The following TSC2 variants were observed in gnomAD, a reference collection of about 807,000 sequenced individuals.
The protein encoded by TSC2 is tuberin.
TSC2 carries 29 observed loss-of-function variants against 202.2 expected under a neutral mutation model. The observed-to-expected ratio is 0.14, with a 90% confidence interval of 0.11 to 0.20. The LOEUF is 0.20. Among genes scored for constraint, TSC2 ranks in the 10% least tolerant of loss-of-function variants. The pLI is 1.00. For missense variants in TSC2, 2,429 were observed against 2,420.0 expected (o/e 1.00, Z -0.08); for synonymous variants, 1,349 against 1,044.0 (o/e 1.29, Z -5.63).
At position 2,085,235 on chromosome 16, in the gene TSC2, G is replaced by A. The variant is rs1596426497; in HGVS notation, c.4575G>A (p.Gln1525=). 6.2e-7 allele frequency: 1 copy of A among 1,612,762 alleles called. No homozygotes were observed. The highest frequency in any genetic ancestry group is 1.7e-5 in the Admixed American group (1 of 60,032). The change falls in exon 36 of 42, where the codon CAG becomes CAA. Residue 1525 remains glutamine, a synonymous_variant. Coordinates refer to ENST00000219476, the MANE Select transcript of TSC2 (RefSeq NM_000548.5). ...CAGGGCTCTGTGTGCCACAGTCACA[G>A]TCCTTTGAGCGGTCGGTGCAGCTCC... ...NKPILLPNES[Q]SFERSVQLLD...
At position 2,087,891 on chromosome 16, in the gene TSC2, T is replaced by C. The variant is rs397515067; in HGVS notation, c.5018T>C (p.Val1673Ala). 6.2e-7 allele frequency: 1 copy of C among 1,612,006 alleles called. No homozygotes were observed. The highest frequency in any genetic ancestry group is 1.1e-5 in the South Asian group (1 of 91,062). Residue 1673 changes from valine to alanine, a missense_variant, in exon 39 of 42, where the codon GTC becomes GCC. Coordinates refer to ENST00000219476, the MANE Select transcript of TSC2 (RefSeq NM_000548.5). The part of the protein sequence containing the change: ...KGQFNFVHVI[V>A]TPLDYECNLV... ...CAGTTCAACTTTGTCCACGTGATCG[T>C]CACCCCGCTGGACTACGAGTGCAAC...
chr16:2,071,666 C>T (rs2088424253), intron 18 of TSC2, 50 bp downstream of exon 18: 2 of 1,609,776 alleles, frequency 1.2e-6, no homozygotes, highest in African/African-American at 1.3e-5. Context: ...GTCAGAGGCG[C>T]TGGGGCTGTG....
rs2085516860 is a variant in TSC2 at position 2,054,443 on chromosome 16, G to A, written c.481+3G>A. On this transcript the variant is annotated splice_donor_region_variant and intron_variant, in intron 5 of 41. Coordinates refer to ENST00000219476, the MANE Select transcript of TSC2 (RefSeq NM_000548.5). ...CACCTACTTGGAGGAAGAGCTGGGT[G>A]GGTGCCACCTTGGGTTGGAGGTTTC... 6.2e-7 allele frequency: 1 copy of A among 1,614,080 alleles called. No individual in the cohort carries two copies. Among genetic ancestry groups the A allele is most frequent in the South Asian group, 1.1e-5 (1 of 91,092 alleles).
rs1459744028 is a variant in TSC2, at chr16:2,057,198, C to A, written c.848+20C>A. The A allele has an allele frequency of 6.4e-7, 1 of 1,551,556 alleles. No individual in the cohort carries two copies. Among genetic ancestry groups the A allele is most frequent in the Non-Finnish European group, 8.7e-7 (1 of 1,146,962 alleles). ...GGACAGGTGAGTGTGGTGGGTGGGG[C>A]GCAGGGCAGTGGAGGCCAGCACAGC... On this transcript the variant is annotated intron_variant, in intron 9 of 41. Coordinates refer to ENST00000219476, the MANE Select transcript of TSC2 (RefSeq NM_000548.5).
Position 2,077,586 on chromosome 16 carries a change from C to T in TSC2, c.2838-12C>T, listed in dbSNP as rs1296273540. 1.2e-6 allele frequency: 2 copies of T among 1,612,800 alleles called. No homozygotes were observed. Among genetic ancestry groups the T allele is most frequent in the Non-Finnish European group, 8.5e-7 (1 of 1,179,978 alleles). On this transcript the variant is annotated splice_polypyrimidine_tract_variant and intron_variant, in intron 25 of 41. Transcript: ENST00000219476. Reference sequence around the variant, plus strand: ...CTCTCTGGGGCGTTGGGGCTCCTTCCTCACCCGATAGTCTGAGGATAGCCA... The same window carrying T: ...CTCTCTGGGGCGTTGGGGCTCCTTCTTCACCCGATAGTCTGAGGATAGCCA...
chr16:2,072,462 C>T (rs948466814), intron 20 of TSC2, 99 bp downstream of exon 20: 40 of 1,541,516 alleles, frequency 2.6e-5, no homozygotes, highest in Admixed American at 1.8e-4. Flanking sequence ...CCTTCGGGCT[C>T]GGGCTCCATT....
intron 19 of TSC2, 134 bp downstream of exon 19, chr16:2,072,068 T>C: frequency 6.8e-7 from 1 of 1,477,360 alleles, no homozygotes; most frequent in Non-Finnish European, 9.0e-7. Flanking sequence ...GCCTTCCCCC[T>C]TCCCCGAGCA....
At chr16:2,053,205 C>T (rs1019838978) in intron 3 of TSC2, 137 bp from the exon 4 acceptor site, 87 of 846,344 alleles carry the variant, frequency 1.0e-4, no homozygotes, top group African/African-American at 4.7e-4. Flanking sequence ...ACAGGAGATA[C>T]GAGCTTTGGA....
Position 2,088,150 on chromosome 16 carries a change from G to C in TSC2, c.5160+11G>C, listed in dbSNP as rs374737278. 2 of 1,613,040 alleles carry C rather than the reference G, an allele frequency of 1.2e-6. No individual in the cohort carries two copies. The highest frequency in any genetic ancestry group is 1.7e-6 in the Non-Finnish European group (2 of 1,180,016). On this transcript the variant is annotated intron_variant, in intron 40 of 41. Transcript: ENST00000219476. The stretch of plus-strand genomic sequence containing the variant: ...GCCCTGCACGCAAATGTGAGTGGGG[G>C]TGGGTCCAGGCGTGAGCTGGTGGGA...
At position 2,080,284 on chromosome 16, in the gene TSC2, A is replaced by G. The variant is rs766827673; in HGVS notation, c.3517A>G (p.Thr1173Ala). 4 of 1,612,736 alleles carry G rather than the reference A, an allele frequency of 2.5e-6. No homozygotes were observed. The highest frequency in any genetic ancestry group is 1.7e-6 in the Non-Finnish European group (2 of 1,179,962). ...GAAACCTGAGAAGGCCTCAGCTGGC[A>G]CCCGGGTTCCTGTGCAGGAGAAGAC... ...AAKPEKASAG[T>A]RVPVQEKTNL... The change falls in exon 30 of 42, where the codon ACC becomes GCC. Residue 1173 changes from threonine (T) to alanine (A), a missense_variant. Thr to Ala is a moderately conservative substitution (Grantham distance 58, BLOSUM62 0). Coordinates refer to ENST00000219476, the MANE Select transcript of TSC2 (RefSeq NM_000548.5).
At chr16:2,056,363 GTC>G (rs2151072860) in intron 7 of TSC2, 119 bp downstream of exon 7, 1 of 1,410,006 alleles carries the variant, frequency 7.1e-7, no homozygotes, top group Non-Finnish European at 9.8e-7. Context: ...AAGCTGCTCG[GTC>G]TCTCTGAGCC....
chr16:2,076,300 G>T, intron 24 of TSC2, 130 bp downstream of exon 24: 2 of 1,560,754 alleles, frequency 1.3e-6, no homozygotes, highest in East Asian at 2.4e-5. Flanking sequence ...CTGTGCCTGT[G>T]GCGCTGGGGG....
chr16:2,073,082 C>A, intron 21 of TSC2, 99 bp downstream of exon 21: 1 of 1,568,662 alleles, frequency 6.4e-7, no homozygotes, highest in Non-Finnish European at 8.6e-7. Context: ...GAGTTTCTGC[C>A]AGGCCAGGGA....
In TSC2 at chr16:2,084,515, G is replaced by A. The variant is rs45487992; in HGVS notation, c.4293G>A (p.Ser1431=). 2.3e-4 allele frequency: 370 copies of A among 1,609,186 alleles called. 2 individuals carry two copies. In the African/African-American group the frequency reaches 3.4e-3, roughly 15 times the overall value. ...TGGACGGGGAAAGTGCTGCCTGGTC[G>A]GCCTCGGGCGAAGACAGTCGGGGCC... ...GTLDGESAAW[S]ASGEDSRGQP... is the part of the protein sequence containing the mutation. The change falls in exon 34 of 42, where the codon TCG becomes TCA. Residue 1431 remains serine (S), a synonymous_variant. Transcript: ENST00000219476.
At position 2,088,828 on chromosome 16, in the gene TSC2, C is replaced by A. The variant is rs1324604492; in HGVS notation, c.*218C>A. On this transcript the variant is annotated 3_prime_UTR_variant, in exon 42 of 42. Transcript: ENST00000219476. Reference sequence around the variant, plus strand: ...TACACAGAAGCAGGCACAGCCAGCTCCGAGGGCCTTGAGGCTGCCTGGGCC... The same window carrying A: ...TACACAGAAGCAGGCACAGCCAGCTACGAGGGCCTTGAGGCTGCCTGGGCC... 2 of 637,602 alleles carry A rather than the reference C, an allele frequency of 3.1e-6. No individual in the cohort carries two copies. The highest frequency in any genetic ancestry group is 5.6e-5 in the East Asian group (2 of 35,432). The allele number at this position is 637,602 out of a possible 1,614,324, so 39.5% of individuals were successfully genotyped here. A position where few individuals can be genotyped will look rare whatever the true frequency, so the allele number is the denominator to read the frequency against.
Position 2,088,456 on chromosome 16 carries a change from A to G in TSC2, c.5270A>G (p.Glu1757Gly). Residue 1757 changes from glutamate (E) to glycine (G), a missense_variant, in exon 42 of 42, where the codon GAA (glutamate) becomes GGA (glycine). Coordinates refer to ENST00000219476, the MANE Select transcript of TSC2 (RefSeq NM_000548.5). ...CGCCTCTGCCTTCAGATCTGCGAGGAAGCCGCCTACTCCAACCCCAGCCTA... is the reference window on the plus strand; with the variant it reads ...CGCCTCTGCCTTCAGATCTGCGAGGGAGCCGCCTACTCCAACCCCAGCCTA... ...IKRLRQRICEEAAYSNPSLPL... is the reference protein window; with the variant it reads ...IKRLRQRICEGAAYSNPSLPL... 1 of 1,612,704 alleles carries G rather than the reference A, an allele frequency of 6.2e-7. No individual in the cohort carries two copies. Among genetic ancestry groups the G allele is most frequent in the Non-Finnish European group, 8.5e-7 (1 of 1,179,996 alleles).
At chr16:2,061,030 T>C in intron 11 of TSC2, 1 of 626,540 alleles carries the variant, frequency 1.6e-6, no homozygotes, top group Non-Finnish European at 2.8e-6. Flanking sequence ...CAGACAGGAA[T>C]ATGCAGTAGG....
Position 2,065,598 on chromosome 16 carries a change from T to C in TSC2, c.1679T>C (p.Val560Ala), listed in dbSNP as rs1596317536. 6.2e-7 allele frequency: 1 copy of C among 1,613,834 alleles called. No homozygotes were observed. The highest frequency in any genetic ancestry group is 1.3e-5 in the African/African-American group (1 of 75,016). The change falls in exon 16 of 42, where the codon GTG (valine) becomes GCG (alanine). Residue 560 changes from valine (V) to alanine (A), a missense_variant. Transcript: ENST00000219476. ...VAAYSASLED[V>A]KTAVLGLLVI... ...GCATACTCGGCCTCCTTGGAGGATG[T>C]GAAGACAGCCGTCCTGGGGCTTCTG... is the stretch of plus-strand genomic sequence containing the variant.
rs1334081822 is a variant in TSC2 at position 2,071,540 on chromosome 16, G to A, written c.1870G>A (p.Asp624Asn). 12 of 1,613,548 alleles carry A rather than the reference G, an allele frequency of 7.4e-6. No homozygotes were observed. Among genetic ancestry groups the A allele is most frequent in the East Asian group, 2.2e-5 (1 of 44,886 alleles). The change falls in exon 18 of 42, where the codon GAC (aspartate) becomes AAC (asparagine). Residue 624 changes from aspartate (D) to asparagine (N), a missense_variant. Physicochemically the swap from Asp to Asn is conservative, Grantham distance 23. Transcript: ENST00000219476. Reference protein sequence around the residue: ...AFDFLLLLRADSLHRLGLPNK... With the variant: ...AFDFLLLLRANSLHRLGLPNK... ...TGACTTCCTGTTGCTGCTGCGGGCC[G>A]ACTCACTGCACCGCCTGGGCCTGCC...
Sources: allele counts gnomAD v4.1 joint callset, GRCh38; gene constraint gnomAD v4.1.1; transcripts MANE v1.5; gene names NCBI Gene and HGNC (gene_info 2026-07-23, HGNC 2026-07-21).